Variants in SPTBN1 observed in about 807,000 individuals in gnomAD.
SPTBN1 encodes spectrin beta chain, non-erythrocytic 1.
A neutral mutation model predicts 266.4 loss-of-function variants in SPTBN1; 32 were observed. The ratio of observed to expected loss-of-function variants is 0.12; its 90% confidence interval spans 0.09 to 0.16. The LOEUF (loss-of-function observed/expected upper bound fraction) is 0.16. Ranked by LOEUF, SPTBN1 falls within the 10% of genes least tolerant of loss-of-function variation. SPTBN1 has a pLI of 1.00. For synonymous variants in SPTBN1, 1,336 were observed against 1,162.2 expected, an observed-to-expected ratio of 1.15 and a Z score of -3.04; for missense variants, 2,296 against 3,067.1, an observed-to-expected ratio of 0.75 and a Z score of 5.94.
intron 1 of SPTBN1, among the ~76,000 whole-genome samples, chr2:54,470,712 G>T (rs1357803336): frequency 2.6e-5 from 4 of 152,174 alleles, no homozygotes; most frequent in Non-Finnish European, 5.9e-5. Flanking sequence ...GGTGGCATGT[G>T]CCTGTAATCC....
intron 7 of SPTBN1, among the ~76,000 whole-genome samples, chr2:54,619,390 C>T (rs572113184): frequency 6.6e-6 from 1 of 152,334 alleles, no homozygotes; most frequent in South Asian, 2.1e-4. Context: ...AGCCCTAGTT[C>T]TTTGTGCTTT....
intron 1 of SPTBN1, among the ~76,000 whole-genome samples, chr2:54,503,313 C>G (rs1270782753): frequency 1.3e-5 from 2 of 151,872 alleles, no homozygotes; most frequent in Non-Finnish European, 2.9e-5. Context: ...CCTTCCTGTT[C>G]ATGGAGGACT....
chr2:54,653,884 T>A lies in SPTBN1; in HGVS notation c.5822+31T>A, dbSNP rs1356752404. ...GCTTTCAGCCCAAAGGAAATTGGAC[T>A]TATTGGCGCTTGGTTAAAACACAGG... is the stretch of plus-strand genomic sequence containing the variant. On this transcript the variant is annotated intron_variant, in intron 27 of 35. Transcript: ENST00000356805. The surrounding 1 kb of genome is among the most constrained non-coding windows in gnomAD (Gnocchi z 5.1). 6.3e-7 allele frequency: 1 copy of A among 1,595,286 alleles called. No individual in the cohort carries two copies. The highest frequency in any genetic ancestry group is 1.4e-5 in the African/African-American group (1 of 73,242).
In SPTBN1 at chr2:54,500,726, T is replaced by A. The variant is rs923909403; in HGVS notation, c.-47-25646T>A. ...CACGCCTAGCTAATTTTTGTATAGA[T>A]GGGATTTTGCCATGTTGCCCAAGGT... On this transcript the variant is annotated intron_variant, in intron 1 of 35. Transcript: ENST00000356805. Among the ~76,000 whole-genome samples, 11 of 152,204 alleles carry A rather than the reference T, an allele frequency of 7.2e-5. No individual in the cohort carries two copies. The East Asian group carries it at 2.1e-3, about 29-fold the overall frequency.
chr2:54,469,788 A>G (rs1335264130), intron 1 of SPTBN1, among the ~76,000 whole-genome samples: 3 of 152,238 alleles, frequency 2.0e-5, no homozygotes, highest in Admixed American at 6.5e-5. Flanking sequence ...GATATCAGTC[A>G]GGTGACTTCT....
intron 2 of SPTBN1, among the ~76,000 whole-genome samples, chr2:54,576,071 TTGA>T (rs1399849894): frequency 3.4e-5 from 4 of 116,200 alleles, no homozygotes; most frequent in African/African-American, 9.3e-5. Context: ...TTTTTTTTTT[TTGA>T]GAGACAGTCT....
intron 1 of SPTBN1, among the ~76,000 whole-genome samples, chr2:54,485,924 G>A (rs1168380039): frequency 9.8e-5 from 14 of 143,100 alleles, no homozygotes; most frequent in East Asian, 6.3e-4. Context: ...CGGCCGCCCC[G>A]TCTGAGAAGT....
chr2:54,487,862 C>T (rs1002999523), intron 1 of SPTBN1, among the ~76,000 whole-genome samples: 4 of 23,408 alleles, frequency 1.7e-4, no homozygotes, highest in Non-Finnish European at 3.5e-4. Flanking sequence ...CGGAGTCTTG[C>T]TCTGTCACCC....
At chr2:54,634,397 C>A (rs2103964604) in intron 17 of SPTBN1, among the ~76,000 whole-genome samples, 1 of 152,312 alleles carries the variant, frequency 6.6e-6, no homozygotes, top group South Asian at 2.1e-4. Flanking sequence ...CCAGAGCTTC[C>A]TTAGGATTCC....
Position 54,487,360 on chromosome 2 carries a change from C to T in SPTBN1, c.-48+30842C>T, listed in dbSNP as rs371995447. Reference sequence around the variant, plus strand: ...ATTATTCTCAGGACTAATTACTGCGCACCTTTGATGTGTACTTGTTTGCAT... The same window carrying T: ...ATTATTCTCAGGACTAATTACTGCGTACCTTTGATGTGTACTTGTTTGCAT... On this transcript the variant is annotated intron_variant, in intron 1 of 35. Transcript: ENST00000356805. Among the ~76,000 whole-genome samples the T allele has an allele frequency of 8.3e-4, 126 of 151,748 alleles. No individual in the cohort carries two copies. In the South Asian group the frequency reaches 0.02, roughly 24 times the overall value.
intron 3 of SPTBN1, among the ~76,000 whole-genome samples, chr2:54,611,373 G>A (rs908328515): frequency 2.5e-4 from 38 of 152,058 alleles, no homozygotes; most frequent in Non-Finnish European, 8.8e-5. Flanking sequence ...TATTTTTATA[G>A]TAGATGTGTG....
chr2:54,622,425 G>A lies in SPTBN1; in HGVS notation c.1002G>A (p.Leu334=), dbSNP rs758938236. The A allele has an allele frequency of 2.0e-5, 33 of 1,614,028 alleles. No individual in the cohort carries two copies. The highest frequency in any genetic ancestry group is 2.8e-5 in the Non-Finnish European group (33 of 1,180,048). Reference sequence around the variant, plus strand: ...ACAATCGCAAATTTGCCAATTCACTGGTCGGGGTTCAACAGCAGCTTCAGG... The same window carrying A: ...ACAATCGCAAATTTGCCAATTCACTAGTCGGGGTTCAACAGCAGCTTCAGG... The part of the protein sequence containing the change: ...ILNNRKFANS[L]VGVQQQLQAF... The change falls in exon 9 of 36, where the codon CTG becomes CTA. Residue 334 remains leucine (L), a synonymous_variant. Coordinates refer to ENST00000356805, the MANE Select transcript of SPTBN1 (RefSeq NM_003128.3).
intron 1 of SPTBN1, among the ~76,000 whole-genome samples, chr2:54,489,252 T>G (rs1189577638): frequency 6.6e-6 from 1 of 150,818 alleles, no homozygotes; most frequent in Non-Finnish European, 1.5e-5. Flanking sequence ...GCCCAGGAAG[T>G]TGAGGCTATA....
intron 2 of SPTBN1, among the ~76,000 whole-genome samples, chr2:54,552,060 A>G (rs1672597680): frequency 6.6e-6 from 1 of 152,192 alleles, no homozygotes; most frequent in African/African-American, 2.4e-5. Context: ...AGTACATCCC[A>G]GAGGGAGGAC....
At position 54,629,343 on chromosome 2, in the gene SPTBN1, A is replaced by C; in HGVS notation, c.2209A>C (p.Lys737Gln). ...CCTAGAGCAGCTCTCGGCCATTCGG[A>C]AGAAGCGCCTGGAGGAGGCCTCCCT... is the stretch of plus-strand genomic sequence containing the variant. ...ANLEQLSAIR[K>Q]KRLEEASLLH... Residue 737 changes from lysine to glutamine, a missense_variant, in exon 14 of 36, where the codon AAG becomes CAG. Coordinates refer to ENST00000356805, the MANE Select transcript of SPTBN1 (RefSeq NM_003128.3). The C allele has an allele frequency of 6.2e-7, 1 of 1,614,042 alleles. No individual in the cohort carries two copies. Among genetic ancestry groups the C allele is most frequent in the South Asian group, 1.1e-5 (1 of 91,082 alleles).
At chr2:54,573,337 A>G (rs1281810494) in intron 2 of SPTBN1, among the ~76,000 whole-genome samples, 2 of 152,204 alleles carry the variant, frequency 1.3e-5, no homozygotes, top group African/African-American at 4.8e-5. Context: ...ATCATCAGGC[A>G]TTAGATTCTT....
chr2:54,619,623 T>C (rs1677861012), intron 7 of SPTBN1, among the ~76,000 whole-genome samples: 1 of 152,076 alleles, frequency 6.6e-6, no homozygotes, highest in Admixed American at 6.5e-5. Flanking sequence ...AATCTACTTG[T>C]AGACAAGTTA....
At position 54,558,796 on chromosome 2, in the gene SPTBN1, G is replaced by A. The variant is rs769926536; in HGVS notation, c.148+32230G>A. On this transcript the variant is annotated intron_variant, in intron 2 of 35. Transcript: ENST00000356805. This position sits in a 1 kb window ranked among gnomAD's most constrained non-coding sequence, Gnocchi z 4.6. The stretch of plus-strand genomic sequence containing the variant: ...CGGGCATAATGGAATTGCAGAGGAC[G>A]TCTAGTATCTCCGGGCCGCTGTCGC... 1.2e-5 allele frequency: 19 copies of A among 1,613,602 alleles called. No individual in the cohort carries two copies. The African/African-American group carries it at 2.4e-4, about 20-fold the overall frequency.
At chr2:54,576,634 G>A (rs1441342951) in intron 2 of SPTBN1, among the ~76,000 whole-genome samples, 1 of 152,164 alleles carries the variant, frequency 6.6e-6, no homozygotes, top group Non-Finnish European at 1.5e-5. Flanking sequence ...AAGAATAAGT[G>A]CCGTGGAAGA....
Sources: allele counts gnomAD v4.1 joint callset (sites outside exome capture counted in the v4.1 genomes callset), GRCh38; gene constraint gnomAD v4.1.1; non-coding constraint Gnocchi (gnomAD v3.1); transcripts MANE v1.5; gene names NCBI Gene and HGNC (gene_info 2026-07-23, HGNC 2026-07-21).